NEBL: variants seen among roughly 807,000 people sequenced by gnomAD.
The protein encoded by NEBL is nebulette.
NEBL carries 122 observed loss-of-function variants against 140.2 expected under a neutral mutation model. The ratio of observed to expected loss-of-function variants is 0.87; its 90% CI spans 0.75 to 1.01. NEBL has a LOEUF of 1.01. Among genes scored for constraint, NEBL ranks in the 50% least tolerant of loss-of-function variants. The pLI is 0.00. For missense variants in NEBL, 1,365 were observed against 1,231.3 expected (o/e 1.11, Z -1.62); for synonymous variants, 436 against 398.9 (o/e 1.09, Z -1.11).
chr10:20,899,504 C>G (rs1321503157), upstream of NEBL: 2 of 1,061,832 alleles, frequency 1.9e-6, no homozygotes, highest in Non-Finnish European at 2.5e-6. Flanking sequence ...AAAACAAAAA[C>G]CAAACACCAC....
intron 3 of NEBL, among the ~76,000 whole-genome samples, chr10:21,017,359 G>A (rs2131759387): frequency 6.6e-6 from 1 of 152,174 alleles, no homozygotes; most frequent in South Asian, 2.1e-4. Context: ...TCCCCATGTT[G>A]TCTGCTTGAT....
At chr10:21,226,623 G>A (rs1414950531) in intron 3 of NEBL, among the ~76,000 whole-genome samples, 1 of 152,148 alleles carries the variant, frequency 6.6e-6, no homozygotes, top group African/African-American at 2.4e-5. Context: ...ACTGAGATCT[G>A]CCTATGTTGC....
intron 4 of NEBL, among the ~76,000 whole-genome samples, chr10:20,929,591 A>G (rs764262863): frequency 3.9e-5 from 6 of 152,190 alleles, no homozygotes; most frequent in Non-Finnish European, 8.8e-5. Context: ...GAATAAAATC[A>G]TATCTCTTCA....
intron 2 of NEBL, among the ~76,000 whole-genome samples, chr10:21,104,273 C>G (rs1275372020): frequency 6.6e-6 from 1 of 152,148 alleles, no homozygotes; most frequent in Non-Finnish European, 1.5e-5. Context: ...AACAAAGAGC[C>G]TTCTGGAATT....
chr10:21,146,271 A>G, intron 2 of NEBL: 2 of 1,255,432 alleles, frequency 1.6e-6, no homozygotes, highest in South Asian at 2.9e-5. Flanking sequence ...AGGCAGCATC[A>G]TTTACATCAC....
At chr10:21,015,772 C>A (rs1366371629) in intron 3 of NEBL, among the ~76,000 whole-genome samples, 3 of 152,160 alleles carry the variant, frequency 2.0e-5, no homozygotes, top group Admixed American at 2.0e-4. Flanking sequence ...CTCAGCCTCC[C>A]GAAGTGCTGG....
chr10:21,260,199 C>T (rs566987651), intron 1 of NEBL, among the ~76,000 whole-genome samples: 4 of 152,286 alleles, frequency 2.6e-5, no homozygotes, highest in African/African-American at 7.2e-5. Context: ...ACAGCTCATC[C>T]GGGAATCCGG....
intron 26 of NEBL, among the ~76,000 whole-genome samples, chr10:20,793,562 T>G (rs1464750626): frequency 6.6e-6 from 1 of 151,694 alleles, no homozygotes; most frequent in Non-Finnish European, 1.5e-5. Context: ...CTTTTCTTTT[T>G]TTTTTTTTTA....
chr10:21,146,413 A>ACT, intron 2 of NEBL: 2 of 1,056,790 alleles, frequency 1.9e-6, no homozygotes, highest in Non-Finnish European at 2.5e-6. Flanking sequence ...AAGCACAAAC[A>ACT]CTCTCTCTCA....
intron 3 of NEBL, among the ~76,000 whole-genome samples, chr10:21,211,141 G>A (rs1309680763): frequency 6.6e-6 from 1 of 152,182 alleles, no homozygotes; most frequent in Non-Finnish European, 1.5e-5. Flanking sequence ...CCTTATCAAT[G>A]CTATGTAGGA....
chr10:20,812,344 G>A (rs912376286), intron 24 of NEBL, among the ~76,000 whole-genome samples: 1 of 151,364 alleles, frequency 6.6e-6, no homozygotes, highest in African/African-American at 2.4e-5. Flanking sequence ...TATTATACTT[G>A]AAGTTCTAGG....
intron 3 of NEBL, chr10:21,247,881 G>A (rs574752108): frequency 1.8e-5 from 4 of 226,802 alleles, no homozygotes; most frequent in South Asian, 1.7e-4. Context: ...AGAGATAAAC[G>A]CTGAAAAAGA....
In NEBL at chr10:20,826,464, G is replaced by A. The variant is rs1839881442; in HGVS notation, c.1852C>T (p.Gln618Ter). 1 of 1,611,948 alleles carries A rather than the reference G, an allele frequency of 6.2e-7. No individual in the cohort carries two copies. Among genetic ancestry groups the A allele is most frequent in the Non-Finnish European group, 8.5e-7 (1 of 1,178,348 alleles). The stretch of plus-strand genomic sequence containing the variant: ...GAACTTACTGAACTAATATTCTGCT[G>A]ATTTTTCTTCACTCGTTCGATCTCT... ...SPEIERVKKN[Q>*]QNISSVKYKE... Residue 618 changes from glutamine to a stop codon, truncating the protein, a stop_gained, in exon 18 of 28, where the codon CAG becomes TAG. Coordinates refer to ENST00000377122, the MANE Select transcript of NEBL (RefSeq NM_006393.3). LOFTEE classifies it high-confidence loss of function.
intron 2 of NEBL, among the ~76,000 whole-genome samples, chr10:21,032,408 A>G (rs1012628306): frequency 6.6e-6 from 1 of 152,202 alleles, no homozygotes; most frequent in African/African-American, 2.4e-5. Context: ...GGGGTCTAAG[A>G]TGCTTTTTGA....
At position 21,060,557 on chromosome 10, in the gene NEBL, CT is replaced by C. The variant is rs201505742; in HGVS notation, c.165-40357del. On this transcript the variant is annotated intron_variant, in intron 2 of 6. Coordinates refer to the NEBL transcript ENST00000417816. ...CCTTTTCCTGTAATATTTTCCCCCT[CT>C]ACTGGCTCATATATTTTAAAATGGT... is the stretch of plus-strand genomic sequence containing the variant. Among the ~76,000 whole-genome samples, 1,280 of 152,228 alleles carry C rather than the reference CT, an allele frequency of 8.4e-3. 11 individuals are homozygous for C. Among genetic ancestry groups the C allele is most frequent in the African/African-American group, 0.029 (1,187 of 41,530 alleles).
At chr10:21,287,696 A>C (rs912595795) in intron 1 of NEBL, among the ~76,000 whole-genome samples, 12 of 152,228 alleles carry the variant, frequency 7.9e-5, no homozygotes, top group African/African-American at 2.9e-4. Context: ...GAAATACAGG[A>C]GATAGAAGAA....
intron 2 of NEBL, among the ~76,000 whole-genome samples, chr10:21,079,344 G>T (rs1836261141): frequency 1.3e-5 from 2 of 152,296 alleles, no homozygotes; most frequent in African/African-American, 4.8e-5. Context: ...ACAAATCTTT[G>T]GTAGGCTCTC....
intron 3 of NEBL, among the ~76,000 whole-genome samples, chr10:21,246,277 T>C (rs1181689878): frequency 6.6e-6 from 1 of 152,198 alleles, no homozygotes; most frequent in Non-Finnish European, 1.5e-5. Flanking sequence ...CTAGTAGAAA[T>C]GTGAAATGGT....
At chr10:20,787,534 T>C (rs1485402750) in intron 26 of NEBL, among the ~76,000 whole-genome samples, 1 of 152,208 alleles carries the variant, frequency 6.6e-6, no homozygotes, top group East Asian at 1.9e-4. Flanking sequence ...CAGTTAAATA[T>C]GCTTTAAATA....
Sources: gnomAD v4.1 joint callset for allele counts (sites outside exome capture counted in the v4.1 genomes callset) on GRCh38, gnomAD v4.1.1 for gene constraint, MANE v1.5 for transcripts, NCBI Gene and HGNC (gene_info 2026-07-23, HGNC 2026-07-21) for gene names.